Variants in ADAM23 observed in about 807,000 individuals in gnomAD.
ADAM23 encodes the protein ADAM metallopeptidase domain 23.
A neutral mutation model predicts 120.1 loss-of-function variants in ADAM23; 33 were observed. The ratio of observed to expected loss-of-function variants is 0.27; its 90% confidence interval spans 0.21 to 0.37. The LOEUF (loss-of-function observed/expected upper bound fraction) is 0.37. Ranked by LOEUF, ADAM23 falls within the 10% of genes least tolerant of loss-of-function variation. The pLI, the probability that ADAM23 is intolerant of heterozygous loss-of-function variation, is 1.00. For synonymous variants in ADAM23, 367 were observed against 375.2 expected (o/e 0.98, Z 0.25); for missense variants, 862 against 1,058.2 (o/e 0.81, Z 2.57).
chr2:206,493,985 T>C (rs1696185453), intron 3 of ADAM23, among the ~76,000 whole-genome samples: 1 of 152,338 alleles, frequency 6.6e-6, no homozygotes, highest in South Asian at 2.1e-4. Context: ...TTGAAGATAA[T>C]GGACAGATAA....
At chr2:206,528,908 A>G (rs758648958) in intron 3 of ADAM23, among the ~76,000 whole-genome samples, 3 of 152,184 alleles carry the variant, frequency 2.0e-5, no homozygotes, top group Non-Finnish European at 2.9e-5. Flanking sequence ...TAATACCATT[A>G]TAGTCCTTAT....
At chr2:206,576,003 T>C (rs943779909) in intron 18 of ADAM23, among the ~76,000 whole-genome samples, 1 of 152,192 alleles carries the variant, frequency 6.6e-6, no homozygotes, top group Non-Finnish European at 1.5e-5. Context: ...TATATATTAT[T>C]TGAAATTCAA....
At chr2:206,487,822 A>G (rs1391903618) in intron 3 of ADAM23, among the ~76,000 whole-genome samples, 1 of 152,204 alleles carries the variant, frequency 6.6e-6, no homozygotes, top group Admixed American at 6.5e-5. Flanking sequence ...GTGATGTGAC[A>G]TGTCTTTGTA....
At chr2:206,506,808 G>A (rs1401012725) in intron 3 of ADAM23, among the ~76,000 whole-genome samples, 1 of 152,298 alleles carries the variant, frequency 6.6e-6, no homozygotes, top group Admixed American at 6.5e-5. Context: ...TTAAGCAGGT[G>A]TGTAGTCATG....
At chr2:206,473,563 C>T (rs1695706160) in intron 2 of ADAM23, among the ~76,000 whole-genome samples, 1 of 127,562 alleles carries the variant, frequency 7.8e-6, no homozygotes, top group African/African-American at 2.9e-5. Flanking sequence ...ACAGTGAGAC[C>T]CATCTCTAAA....
At position 206,596,478 on chromosome 2, in the gene ADAM23, A is replaced by G. The variant is rs1199767294; in HGVS notation, c.2359+316A>G. ...TCACAAATTATTTTGCAGTTCGTCTAAGCTATGCCATTTTTCTAATAGATC... is the reference window on the plus strand; with the variant it reads ...TCACAAATTATTTTGCAGTTCGTCTGAGCTATGCCATTTTTCTAATAGATC... On this transcript the variant is annotated intron_variant, in intron 24 of 25. Transcript: ENST00000264377. Among the ~76,000 whole-genome samples the G allele has an allele frequency of 2.6e-5, 4 of 152,204 alleles. No individual in the cohort carries two copies. In the East Asian group the frequency reaches 7.7e-4, roughly 29 times the overall value.
Position 206,562,222 on chromosome 2 carries a change from T to C in ADAM23, c.1274T>C (p.Val425Ala). ...AAACAGTATGGTCTTCCAATGGCAGTGGCACAAGTATTATCGCAGAGCCTG... is the reference window on the plus strand; with the variant it reads ...AAACAGTATGGTCTTCCAATGGCAGCGGCACAAGTATTATCGCAGAGCCTG... ...GVNEYGLPMA[V>A]AQVLSQSLAQ... is the part of the protein sequence containing the mutation. The change falls in exon 13 of 26, where the codon GTG (valine) becomes GCG (alanine). Residue 425 changes from valine to alanine, a missense_variant. Val to Ala is a moderately conservative substitution (Grantham distance 64). Coordinates refer to ENST00000264377, the MANE Select transcript of ADAM23 (RefSeq NM_003812.4). 1 of 1,614,046 alleles carries C rather than the reference T, an allele frequency of 6.2e-7. No individual in the cohort carries two copies. Among genetic ancestry groups the C allele is most frequent in the Non-Finnish European group, 8.5e-7 (1 of 1,179,920 alleles).
intron 4 of ADAM23, among the ~76,000 whole-genome samples, chr2:206,534,739 C>T (rs533996977): frequency 1.4e-4 from 22 of 152,302 alleles, no homozygotes; most frequent in African/African-American, 5.3e-4. Context: ...TTCTCTTCTG[C>T]TTACGTCAGC....
intron 2 of ADAM23, among the ~76,000 whole-genome samples, chr2:206,471,269 C>T (rs1695653400): frequency 6.6e-6 from 1 of 152,158 alleles, no homozygotes; most frequent in South Asian, 2.1e-4. Context: ...AATTACTGTA[C>T]CATAATTTTC....
intron 18 of ADAM23, among the ~76,000 whole-genome samples, chr2:206,580,053 TTTACA>T (rs1201434054): frequency 6.6e-6 from 1 of 152,196 alleles, no homozygotes; most frequent in African/African-American, 2.4e-5. Context: ...TACTGATTTG[TTTACA>T]TTAATCTTGT....
intron 3 of ADAM23, among the ~76,000 whole-genome samples, chr2:206,509,756 T>C (rs1696583988): frequency 2.6e-5 from 4 of 152,252 alleles, no homozygotes; most frequent in African/African-American, 9.6e-5. Flanking sequence ...GCCTGTATTT[T>C]CTTTACCTCT....
At chr2:206,531,014 C>A in intron 4 of ADAM23, 66 bp downstream of exon 4, 2 of 1,340,772 alleles carry the variant, frequency 1.5e-6, no homozygotes, top group South Asian at 1.3e-5. Flanking sequence ...GATCAGTGCA[C>A]ACTGCGTTGT....
intron 2 of ADAM23, among the ~76,000 whole-genome samples, chr2:206,459,406 T>G (rs1287925851): frequency 6.6e-6 from 1 of 152,244 alleles, no homozygotes; most frequent in Non-Finnish European, 1.5e-5. Context: ...TAATGCATTT[T>G]AGGATTGTTA....
At chr2:206,513,911 G>T (rs190344430) in intron 3 of ADAM23, among the ~76,000 whole-genome samples, 218 of 152,304 alleles carry the variant, frequency 1.4e-3, no homozygotes, top group African/African-American at 5.1e-3. Flanking sequence ...CAAAGCCTGG[G>T]TGACAGCACA....
chr2:206,532,771 G>A (rs1420610386), intron 4 of ADAM23, among the ~76,000 whole-genome samples: 1 of 151,522 alleles, frequency 6.6e-6, no homozygotes, highest in African/African-American at 2.4e-5. Context: ...TAATTCATTT[G>A]TTATAATATG....
intron 18 of ADAM23, among the ~76,000 whole-genome samples, chr2:206,587,051 C>T (rs926692556): frequency 4.9e-4 from 74 of 152,216 alleles, no homozygotes; most frequent in African/African-American, 1.6e-3. Flanking sequence ...CTACTTTTAA[C>T]TCTGTAGGCA....
intron 3 of ADAM23, among the ~76,000 whole-genome samples, chr2:206,495,827 CA>C (rs1402270957): frequency 5.9e-5 from 9 of 151,506 alleles, no homozygotes; most frequent in Admixed American, 2.6e-4. Flanking sequence ...CAATGGAAAA[CA>C]AAAAAAGGCA....
At chr2:206,522,640 T>C (rs991005631) in intron 3 of ADAM23, among the ~76,000 whole-genome samples, 4 of 152,174 alleles carry the variant, frequency 2.6e-5, no homozygotes, top group Non-Finnish European at 4.4e-5. Context: ...TTTATAGTTA[T>C]GTTAATAAAT....
At chr2:206,578,292 C>G (rs1218760032) in intron 18 of ADAM23, among the ~76,000 whole-genome samples, 1 of 151,972 alleles carries the variant, frequency 6.6e-6, no homozygotes, top group Non-Finnish European at 1.5e-5. Flanking sequence ...GATTTTGGTG[C>G]ATCCATCACC....
Sources: gnomAD v4.1 joint callset for allele counts (sites outside exome capture counted in the v4.1 genomes callset) on GRCh38, gnomAD v4.1.1 for gene constraint, MANE v1.5 for transcripts, NCBI Gene and HGNC (gene_info 2026-07-23, HGNC 2026-07-21) for gene names.